Variants in GABRB2 observed in about 807,000 individuals in gnomAD.
The protein encoded by GABRB2 is gamma-aminobutyric acid receptor subunit beta-2.
GABRB2 carries 16 observed loss-of-function variants against 54.7 expected under a neutral mutation model. That is an observed-to-expected ratio of 0.29 (90% confidence interval 0.20 to 0.44). The LOEUF is 0.44. Among genes scored for constraint, GABRB2 ranks in the 20% least tolerant of loss-of-function variants. The pLI is 1.00. For synonymous variants in GABRB2, 244 were observed against 233.8 expected, an observed-to-expected ratio of 1.04 and a Z score of -0.40; for missense variants, 355 against 644.0, an observed-to-expected ratio of 0.55 and a Z score of 4.86.
intron 9 of GABRB2, among the ~76,000 whole-genome samples, chr5:161,307,096 C>G (rs146891080): frequency 1.4e-3 from 208 of 152,288 alleles, no homozygotes; most frequent in African/African-American, 4.6e-3. Flanking sequence ...TTTGCTGCAT[C>G]ATATAATTGA....
chr5:161,537,363 C>A (rs938283806), intron 3 of GABRB2, among the ~76,000 whole-genome samples: 1 of 152,122 alleles, frequency 6.6e-6, no homozygotes, highest in African/African-American at 2.4e-5. Flanking sequence ...ATTTTCCAAT[C>A]GCCTGCTGGT....
intron 5 of GABRB2, among the ~76,000 whole-genome samples, chr5:161,387,279 A>T (rs1352808290): frequency 1.3e-5 from 2 of 152,022 alleles, no homozygotes; most frequent in African/African-American, 2.4e-5. Context: ...TGTTGGTATA[A>T]TGTGGGGCTT....
In GABRB2 at chr5:161,439,496, A is replaced by G. The variant is rs1323229140; in HGVS notation, c.458+20128T>C. Among the ~76,000 whole-genome samples the G allele has an allele frequency of 1.3e-5, 2 of 152,210 alleles. 1 individual carries two copies. Among genetic ancestry groups the G allele is most frequent in the Non-Finnish European group, 2.9e-5 (2 of 68,034 alleles). ...CTGATAATAGAAAGTACAAAGAAAA[A>G]CACAGAATAGTATAACAATGTAACT... On this transcript the variant is annotated intron_variant, in intron 4 of 9. Transcript: ENST00000393959.
intron 3 of GABRB2, among the ~76,000 whole-genome samples, chr5:161,525,807 TC>T (rs1410686812): frequency 2.6e-5 from 4 of 151,348 alleles, no homozygotes; most frequent in African/African-American, 9.7e-5. Flanking sequence ...AACTTAAGTT[TC>T]CCAGTATTAA....
intron 4 of GABRB2, among the ~76,000 whole-genome samples, chr5:161,428,085 G>T (rs1275549776): frequency 6.6e-6 from 1 of 152,102 alleles, no homozygotes; most frequent in East Asian, 1.9e-4. Flanking sequence ...AGGAAAAAAA[G>T]ATCGTCTAAT....
intron 9 of GABRB2, among the ~76,000 whole-genome samples, chr5:161,311,605 G>A (rs1757870995): frequency 6.6e-6 from 1 of 152,202 alleles, no homozygotes; most frequent in Non-Finnish European, 1.5e-5. Flanking sequence ...AGAATCCTCA[G>A]TGTAGTTCTC....
chr5:161,461,934 G>A (rs1253705807), intron 3 of GABRB2, among the ~76,000 whole-genome samples: 1 of 152,002 alleles, frequency 6.6e-6, no homozygotes. Flanking sequence ...TCTAACCTTT[G>A]TTGAGATTTA....
intron 5 of GABRB2, among the ~76,000 whole-genome samples, chr5:161,385,141 C>T (rs563740025): frequency 6.6e-6 from 1 of 152,272 alleles, no homozygotes; most frequent in Non-Finnish European, 1.5e-5. Flanking sequence ...ATTTCCTCTG[C>T]TCTCTTTTAA....
intron 4 of GABRB2, 95 bp downstream of exon 4, chr5:161,459,529 G>C: frequency 9.5e-7 from 1 of 1,052,526 alleles, no homozygotes; most frequent in Non-Finnish European, 1.4e-6. Context: ...TAGAATTGAA[G>C]AAAGATAAGG....
In GABRB2 at chr5:161,305,166, G is replaced by A. The variant is rs370955565; in HGVS notation, c.1192-10738C>T. Among the ~76,000 whole-genome samples, 284 of 151,356 alleles carry A rather than the reference G, an allele frequency of 1.9e-3. 1 individual carries two copies. The highest frequency in any genetic ancestry group is 6.7e-3 in the African/African-American group (275 of 41,308). ...CGAGTAGCTGGGACTACAGGCGCCC[G>A]CCACCGCGCCCGGCTAATTTTTTGT... On this transcript the variant is annotated intron_variant, in intron 9 of 9. Transcript: ENST00000393959.
chr5:161,398,450 C>T (rs1294335349), intron 5 of GABRB2, among the ~76,000 whole-genome samples: 1 of 152,102 alleles, frequency 6.6e-6, no homozygotes, highest in Non-Finnish European at 1.5e-5. Flanking sequence ...GGCAGAGGAC[C>T]CACTGTGGAA....
At chr5:161,431,249 C>CA (rs1377155606) in intron 4 of GABRB2, among the ~76,000 whole-genome samples, 3 of 152,082 alleles carry the variant, frequency 2.0e-5, no homozygotes, top group African/African-American at 7.2e-5. Flanking sequence ...TTAGAACAAT[C>CA]ATTTGCAAAT....
intron 5 of GABRB2, among the ~76,000 whole-genome samples, chr5:161,346,925 T>A (rs757247836): frequency 4.6e-5 from 7 of 152,110 alleles, no homozygotes; most frequent in Non-Finnish European, 1.0e-4. Context: ...TATCAGCTAT[T>A]TAGTACATAT....
intron 5 of GABRB2, among the ~76,000 whole-genome samples, chr5:161,367,919 A>T (rs1419413383): frequency 6.6e-6 from 1 of 152,168 alleles, no homozygotes; most frequent in African/African-American, 2.4e-5. Context: ...CTGGAATAAA[A>T]AAATAAAACT....
intron 4 of GABRB2, among the ~76,000 whole-genome samples, chr5:161,421,962 T>G (rs1214296550): frequency 6.6e-6 from 1 of 152,186 alleles, no homozygotes; most frequent in Non-Finnish European, 1.5e-5. Flanking sequence ...AAATAAAACT[T>G]AAGCCATGAC....
At chr5:161,333,861 G>A (rs1013362711) in intron 7 of GABRB2, among the ~76,000 whole-genome samples, 1 of 152,100 alleles carries the variant, frequency 6.6e-6, no homozygotes, top group Non-Finnish European at 1.5e-5. Context: ...TGAACTTCTA[G>A]CAAACCCATG....
intron 9 of GABRB2, among the ~76,000 whole-genome samples, chr5:161,296,822 T>G (rs778821822): frequency 6.6e-6 from 1 of 152,350 alleles, no homozygotes; most frequent in Non-Finnish European, 1.5e-5. Flanking sequence ...ATTGTACTTA[T>G]GGCTCTTCCG....
intron 3 of GABRB2, among the ~76,000 whole-genome samples, chr5:161,466,276 G>A (rs530564183): frequency 1.6e-4 from 25 of 152,016 alleles, no homozygotes; most frequent in Non-Finnish European, 3.2e-4. Flanking sequence ...ATCTTGAATC[G>A]TTGGTTAAGG....
chr5:161,525,728 A>G (rs17522737), intron 3 of GABRB2, among the ~76,000 whole-genome samples: 40,864 of 151,076 alleles, frequency 0.27, 6,061 homozygotes, highest in Admixed American at 0.39. Flanking sequence ...CAAGGACATA[A>G]TTCTTTCAAA....
Sources: gnomAD v4.1 joint callset for allele counts (sites outside exome capture counted in the v4.1 genomes callset) on GRCh38, gnomAD v4.1.1 for gene constraint, MANE v1.5 for transcripts, NCBI Gene and HGNC (gene_info 2026-07-23, HGNC 2026-07-21) for gene names.